USP43: variants seen among roughly 807,000 people sequenced by gnomAD.
USP43 encodes ubiquitin carboxyl-terminal hydrolase 43.
USP43 carries 33 observed loss-of-function variants against 90.7 expected under a neutral mutation model. That is an observed-to-expected ratio of 0.36 (90% CI 0.28 to 0.49). The LOEUF is 0.49. Ranked by LOEUF, USP43 falls within the 20% of genes least tolerant of loss-of-function variation. The pLI, the probability that USP43 is intolerant of heterozygous loss-of-function variation, is 0.98. For missense variants in USP43, 1,274 were observed against 1,476.4 expected (o/e 0.86, Z 2.25); for synonymous variants, 598 against 615.8 (o/e 0.97, Z 0.43).
chr17:9,653,449 G>A (rs1912013960), intron 1 of USP43, among the ~76,000 whole-genome samples: 1 of 152,186 alleles, frequency 6.6e-6, no homozygotes, highest in African/African-American at 2.4e-5. Context: ...TTAGCCAGGT[G>A]TGGTGGCAGG....
rs906793534 is a variant in USP43, at chr17:9,657,003, T to G, written c.636+469T>G. Among the ~76,000 whole-genome samples the G allele has an allele frequency of 8.5e-5, 13 of 152,302 alleles. No individual in the cohort carries two copies. In the East Asian group the frequency reaches 2.1e-3, roughly 25 times the overall value. ...CATGTGCATTTAGCATCCCCAGGTT[T>G]TGATGGAACCCCAAACCTTTCAGAG... On this transcript the variant is annotated intron_variant, in intron 2 of 14. Coordinates refer to ENST00000285199, the MANE Select transcript of USP43 (RefSeq NM_153210.5).
chr17:9,692,452 T>C (rs1462591495), intron 8 of USP43, among the ~76,000 whole-genome samples: 1 of 152,222 alleles, frequency 6.6e-6, no homozygotes, highest in Admixed American at 6.5e-5. Flanking sequence ...CTAATGATGT[T>C]GCTGATCTTT....
intron 8 of USP43, 32 bp from the exon 9 acceptor site, chr17:9,693,095 G>T (rs146619134): frequency 1.3e-6 from 2 of 1,563,730 alleles, no homozygotes; most frequent in Admixed American, 1.7e-5. Flanking sequence ...TAGGGGCTAC[G>T]TAATGATCCA....
chr17:9,657,118 C>T (rs1423441098), intron 2 of USP43, among the ~76,000 whole-genome samples: 4 of 152,208 alleles, frequency 2.6e-5, no homozygotes, highest in Non-Finnish European at 4.4e-5. Context: ...ATGGCTTATG[C>T]TCTAATGCTA....
At position 9,709,887 on chromosome 17, in the gene USP43, G is replaced by T; in HGVS notation, c.2012-69G>T. On this transcript the variant is annotated intron_variant, in intron 12 of 14. Coordinates refer to ENST00000285199, the MANE Select transcript of USP43 (RefSeq NM_153210.5). This position sits in a 1 kb window ranked among gnomAD's most constrained non-coding sequence, Gnocchi z 5.0. Reference sequence around the variant, plus strand: ...TTAAACATACCGCTTTTTCAGCTATGCCAGTGGGAAATGTCTTCCTACCTT... The same window carrying T: ...TTAAACATACCGCTTTTTCAGCTATTCCAGTGGGAAATGTCTTCCTACCTT... The T allele has an allele frequency of 7.4e-7, 1 of 1,347,132 alleles. No individual in the cohort carries two copies. The highest frequency in any genetic ancestry group is 9.6e-7 in the Non-Finnish European group (1 of 1,039,222). The allele number at this position is 1,347,132 out of a possible 1,614,324, so 83.4% of individuals were successfully genotyped here. A position where few individuals can be genotyped will look rare whatever the true frequency, so the allele number is the denominator to read the frequency against.
rs115903869 is a variant in USP43 at position 9,712,489 on chromosome 17, C to T, written c.2335+357C>T. Reference sequence around the variant, plus strand: ...GGTGCACAGGGCCCGGGAGATAGGACGGGCGGGTAACATCTTTCTAGGGGG... The same window carrying T: ...GGTGCACAGGGCCCGGGAGATAGGATGGGCGGGTAACATCTTTCTAGGGGG... On this transcript the variant is annotated intron_variant, in intron 14 of 14. Transcript: ENST00000285199. Among the ~76,000 whole-genome samples, 1,432 of 152,224 alleles carry T rather than the reference C, an allele frequency of 9.4e-3. 31 individuals carry two copies. Among genetic ancestry groups the T allele is most frequent in the African/African-American group, 0.033 (1,369 of 41,538 alleles).
chr17:9,650,324 AT>A (rs1911765528), intron 1 of USP43, among the ~76,000 whole-genome samples: 2 of 152,218 alleles, frequency 1.3e-5, no homozygotes, highest in African/African-American at 4.8e-5. Context: ...TGTACCCATT[AT>A]AAGCATAAAA....
At chr17:9,713,838 A>C (rs1056505418) in intron 14 of USP43, among the ~76,000 whole-genome samples, 5 of 152,162 alleles carry the variant, frequency 3.3e-5, no homozygotes, top group Non-Finnish European at 5.9e-5. Flanking sequence ...TTGGGTAGGA[A>C]CACTCCATTC....
chr17:9,675,835 C>A (rs1246149631), intron 4 of USP43, among the ~76,000 whole-genome samples: 1 of 152,198 alleles, frequency 6.6e-6, no homozygotes, highest in Non-Finnish European at 1.5e-5. Flanking sequence ...GTGACACCAT[C>A]AGATAATGTC....
At chr17:9,720,882 A>T (rs1053808509) in intron 14 of USP43, among the ~76,000 whole-genome samples, 7 of 152,180 alleles carry the variant, frequency 4.6e-5, no homozygotes, top group Admixed American at 1.3e-4. Flanking sequence ...AATGCCCAGG[A>T]GCAGCCCCGC....
chr17:9,656,882 C>A (rs1912290236), intron 2 of USP43, among the ~76,000 whole-genome samples: 1 of 152,140 alleles, frequency 6.6e-6, no homozygotes, highest in Non-Finnish European at 1.5e-5. Flanking sequence ...CAGATGGTAC[C>A]ATTTGAACTC....
intron 2 of USP43, among the ~76,000 whole-genome samples, chr17:9,657,086 T>A (rs999317210): frequency 2.0e-5 from 3 of 152,230 alleles, no homozygotes; most frequent in African/African-American, 7.2e-5. Context: ...TCAGGCGCAG[T>A]CTTTATGGAC....
chr17:9,685,779 C>A (rs898721944), intron 7 of USP43, among the ~76,000 whole-genome samples: 2 of 152,138 alleles, frequency 1.3e-5, no homozygotes, highest in African/African-American at 2.4e-5. Context: ...ATTGGCATAA[C>A]CGTCACCTCA....
chr17:9,693,312 G>A lies in USP43; in HGVS notation c.1457+82G>A, dbSNP rs1915071654. On this transcript the variant is annotated intron_variant, in intron 9 of 14. Coordinates refer to ENST00000285199, the MANE Select transcript of USP43 (RefSeq NM_153210.5). ...GTCCTTTGAGGGTATATGTCAATGA[G>A]ATTGCTCATAGTATTTGTTATTCTT... 7 of 1,139,422 alleles carry A rather than the reference G, an allele frequency of 6.1e-6. No individual in the cohort carries two copies. In the South Asian group the frequency reaches 9.4e-5, roughly 15 times the overall value. 70.6% of individuals were successfully genotyped at this position (1,139,422 alleles called of 1,614,324 possible).
At chr17:9,673,464 G>A (rs1013117888) in intron 3 of USP43, among the ~76,000 whole-genome samples, 2 of 152,158 alleles carry the variant, frequency 1.3e-5, no homozygotes, top group East Asian at 1.9e-4. Context: ...AGTCGAGATC[G>A]CGCCATTGCA....
intron 6 of USP43, among the ~76,000 whole-genome samples, chr17:9,681,085 TATA>T (rs1211070778): frequency 6.9e-5 from 9 of 129,674 alleles, no homozygotes; most frequent in Admixed American, 3.7e-4. Context: ...TCATATATAA[TATA>T]ATATATGACA....
chr17:9,693,971 T>C (rs1013539710), intron 9 of USP43, among the ~76,000 whole-genome samples: 12 of 152,310 alleles, frequency 7.9e-5, no homozygotes, highest in African/African-American at 2.6e-4. Flanking sequence ...CTGTAAGAGA[T>C]TGTGGAGTGT....
chr17:9,700,390 T>C (rs1030368577), intron 10 of USP43, 141 bp downstream of exon 10: 3 of 704,360 alleles, frequency 4.3e-6, no homozygotes, highest in South Asian at 4.4e-5. Flanking sequence ...TCCTGTGAGA[T>C]GCCTGAGTGA....
At chr17:9,677,633 T>G (rs889855318) in intron 5 of USP43, among the ~76,000 whole-genome samples, 1 of 152,214 alleles carries the variant, frequency 6.6e-6, no homozygotes, top group Non-Finnish European at 1.5e-5. Flanking sequence ...GGAGCGGCCC[T>G]CAGGGTGATT....
Sources: allele counts gnomAD v4.1 joint callset (sites outside exome capture counted in the v4.1 genomes callset), GRCh38; gene constraint gnomAD v4.1.1; non-coding constraint Gnocchi (gnomAD v3.1); transcripts MANE v1.5; gene names NCBI Gene and HGNC (gene_info 2026-07-23, HGNC 2026-07-21).